Variants in STK4 observed in about 807,000 individuals in gnomAD.
STK4 encodes serine/threonine-protein kinase 4.
In STK4, 30 loss-of-function variants were observed where a neutral mutation model predicts 64.9. The observed-to-expected ratio is 0.46, with a 90% CI of 0.35 to 0.63. The LOEUF is 0.63. Ranked by LOEUF, STK4 falls within the 20% of genes least tolerant of loss-of-function variation. The probability of loss-of-function intolerance (pLI) is 0.01; values close to 1 mark genes in which losing one functional copy is unlikely to be tolerated. For missense variants in STK4, 466 were observed against 598.5 expected, an observed-to-expected ratio of 0.78 and a Z score of 2.31; for synonymous variants, 177 against 199.0, an observed-to-expected ratio of 0.89 and a Z score of 0.93.
At chr20:45,027,266 T>C (rs540163283) in intron 10 of STK4, among the ~76,000 whole-genome samples, 1 of 151,910 alleles carries the variant, frequency 6.6e-6, no homozygotes, top group Non-Finnish European at 1.5e-5. Context: ...CCGTCTCTAC[T>C]AACAATACAA....
intron 2 of STK4, chr20:44,972,649 G>C (rs192767142): frequency 1.3e-5 from 2 of 152,424 alleles, no homozygotes; most frequent in Non-Finnish European, 2.9e-5. Context: ...TTGTTAATGC[G>C]TTTATAAAAT....
chr20:45,050,643 T>G (rs2068763293), intron 10 of STK4, among the ~76,000 whole-genome samples: 2 of 152,156 alleles, frequency 1.3e-5, no homozygotes, highest in African/African-American at 2.4e-5. Flanking sequence ...AAAGACTTCT[T>G]CAGCTATCAA....
intron 10 of STK4, among the ~76,000 whole-genome samples, chr20:45,054,067 C>G (rs915071813): frequency 8.5e-5 from 13 of 152,136 alleles, no homozygotes; most frequent in African/African-American, 3.1e-4. Context: ...CTACTTAGTA[C>G]TATGGTAACT....
At chr20:45,053,758 A>G (rs890758175) in intron 10 of STK4, among the ~76,000 whole-genome samples, 1 of 152,350 alleles carries the variant, frequency 6.6e-6, no homozygotes, top group East Asian at 1.9e-4. Context: ...CATATTTTCC[A>G]GCTCTTGCTA....
chr20:45,033,446 T>C (rs1235433464), intron 10 of STK4, among the ~76,000 whole-genome samples: 3 of 152,226 alleles, frequency 2.0e-5, no homozygotes, highest in Admixed American at 2.0e-4. Context: ...AGTTGATTTT[T>C]GTATACGGTT....
intron 7 of STK4, among the ~76,000 whole-genome samples, chr20:45,000,013 A>G (rs1033724624): frequency 2.0e-5 from 3 of 152,232 alleles, no homozygotes; most frequent in Admixed American, 2.0e-4. Context: ...GTCGTACAGG[A>G]CAGTTCTGTA....
chr20:44,990,364 G>T (rs2067609344), intron 5 of STK4, among the ~76,000 whole-genome samples: 1 of 145,686 alleles, frequency 6.9e-6, no homozygotes, highest in Admixed American at 6.8e-5. Flanking sequence ...ATTGATTTTT[G>T]TATATTATCT....
At chr20:45,020,745 C>G (rs2068232484) in intron 9 of STK4, among the ~76,000 whole-genome samples, 1 of 151,746 alleles carries the variant, frequency 6.6e-6, no homozygotes, top group Non-Finnish European at 1.5e-5. Flanking sequence ...TGACTTGGGC[C>G]TCTCCACGTA....
chr20:45,050,351 C>G (rs925796105), intron 10 of STK4, among the ~76,000 whole-genome samples: 8 of 152,202 alleles, frequency 5.3e-5, no homozygotes, highest in African/African-American at 9.6e-5. Flanking sequence ...GCCAGTCTCT[C>G]AAAACATTTG....
chr20:45,038,078 T>C (rs892503258), intron 10 of STK4, among the ~76,000 whole-genome samples: 3 of 152,180 alleles, frequency 2.0e-5, no homozygotes, highest in African/African-American at 7.2e-5. Flanking sequence ...TTATTGTTCA[T>C]TTATTTCAAA....
chr20:45,026,133 T>TG (rs974440825), intron 10 of STK4, among the ~76,000 whole-genome samples: 5 of 151,182 alleles, frequency 3.3e-5, no homozygotes, highest in African/African-American at 1.2e-4. Context: ...CAGTGGTTTT[T>TG]TTTTTTTTTT....
intron 9 of STK4, among the ~76,000 whole-genome samples, 199 bp downstream of exon 9, chr20:45,001,552 A>C (rs2145698637): frequency 6.6e-6 from 1 of 152,286 alleles, no homozygotes; most frequent in South Asian, 2.1e-4. Flanking sequence ...AAAGTCAAGA[A>C]AGCATCAACA....
intron 9 of STK4, among the ~76,000 whole-genome samples, chr20:45,010,807 A>G (rs900812273): frequency 2.6e-5 from 4 of 152,202 alleles, no homozygotes; most frequent in African/African-American, 9.7e-5. Context: ...TTTGATAACC[A>G]GTTACTCTAC....
intron 9 of STK4, among the ~76,000 whole-genome samples, chr20:45,006,442 A>C (rs529267568): frequency 1.3e-5 from 2 of 151,362 alleles, no homozygotes; most frequent in Admixed American, 1.3e-4. Context: ...GAACATTTCA[A>C]TTTCCCTTTA....
chr20:45,039,765 TA>T (rs1479728288), intron 10 of STK4, among the ~76,000 whole-genome samples: 7 of 152,124 alleles, frequency 4.6e-5, no homozygotes, highest in Non-Finnish European at 1.0e-4. Flanking sequence ...TAAGGATTTT[TA>T]AAAAACTGTA....
At chr20:44,992,158 A>G (rs2067646671) in intron 5 of STK4, among the ~76,000 whole-genome samples, 1 of 151,798 alleles carries the variant, frequency 6.6e-6, no homozygotes, top group Non-Finnish European at 1.5e-5. Flanking sequence ...TCTACCTTTT[A>G]TCTTATGGTT....
intron 1 of STK4, among the ~76,000 whole-genome samples, chr20:44,971,770 A>G (rs917390974): frequency 7.0e-6 from 1 of 143,256 alleles, no homozygotes. Flanking sequence ...TCCTGGGTTC[A>G]CGCCATTCTT....
At chr20:44,980,987 A>G (rs1351750517) in intron 3 of STK4, among the ~76,000 whole-genome samples, 1 of 152,014 alleles carries the variant, frequency 6.6e-6, no homozygotes, top group Non-Finnish European at 1.5e-5. Flanking sequence ...ATTCTTAAAC[A>G]CTGCTTGATA....
chr20:44,981,181 G>A (rs566260037), intron 3 of STK4, among the ~76,000 whole-genome samples: 1 of 149,656 alleles, frequency 6.7e-6, no homozygotes, highest in Admixed American at 6.6e-5. Flanking sequence ...TTGAGATGGA[G>A]TCTTGCTCTG....
Sources: allele counts gnomAD v4.1 joint callset (sites outside exome capture counted in the v4.1 genomes callset), GRCh38; gene constraint gnomAD v4.1.1; transcripts MANE v1.5; gene names NCBI Gene and HGNC (gene_info 2026-07-23, HGNC 2026-07-21).